SLCO3A1: variants seen among roughly 807,000 people sequenced by gnomAD.
SLCO3A1 encodes the protein solute carrier organic anion transporter family member 3A1.
Under a neutral mutation model 63.1 loss-of-function variants are expected in SLCO3A1, and 27 were observed. The ratio of observed to expected loss-of-function variants is 0.43; its 90% CI spans 0.32 to 0.59. SLCO3A1 has a LOEUF of 0.59. SLCO3A1 is among the 20% of genes least tolerant of loss of function. The pLI is 0.09. For missense variants in SLCO3A1, 773 were observed against 945.8 expected, an observed-to-expected ratio of 0.82 and a Z score of 2.40; for synonymous variants, 473 against 409.9, an observed-to-expected ratio of 1.15 and a Z score of -1.86.
At chr15:91,953,342 G>A (rs376467236) in intron 2 of SLCO3A1, among the ~76,000 whole-genome samples, 32 of 152,294 alleles carry the variant, frequency 2.1e-4, no homozygotes, top group African/African-American at 6.7e-4. Flanking sequence ...TACAGCCTCT[G>A]CCCTCGAGGA....
intron 9 of SLCO3A1, among the ~76,000 whole-genome samples, chr15:92,158,725 C>G (rs1462623163): frequency 2.6e-5 from 4 of 152,206 alleles, no homozygotes. Context: ...TGTGACTCAT[C>G]AGGTGAGTTC....
chr15:91,880,154 C>CTATCT (rs1225031248), intron 1 of SLCO3A1, among the ~76,000 whole-genome samples: 82 of 134,534 alleles, frequency 6.1e-4, no homozygotes, highest in East Asian at 1.5e-3. Flanking sequence ...TCCATCCATC[C>CTATCT]ATCCATCCAT....
chr15:92,052,144 A>G (rs1035229134), intron 2 of SLCO3A1, among the ~76,000 whole-genome samples: 1 of 152,082 alleles, frequency 6.6e-6, no homozygotes, highest in Non-Finnish European at 1.5e-5. Context: ...CTGAGTGTGC[A>G]CAGAACTTGT....
rs1899944963 is a variant in SLCO3A1 at position 91,950,008 on chromosome 15, A to T, written c.646+33550A>T. 6.6e-6 allele frequency among the ~76,000 whole-genome samples: 1 copy of T among 152,184 alleles called. No homozygotes were observed. Among genetic ancestry groups the T allele is most frequent in the Non-Finnish European group, 1.5e-5 (1 of 68,036 alleles). ...AGCAACAGAACCAGACCCTGTCTCT[A>T]AAAAACAACAACGAAAAGAAGGCAG... On this transcript the variant is annotated intron_variant, in intron 2 of 9. Transcript: ENST00000318445. The surrounding 1 kb of genome is among the most constrained non-coding windows in gnomAD (Gnocchi z 4.4).
intron 2 of SLCO3A1, among the ~76,000 whole-genome samples, chr15:91,982,827 C>T (rs928614615): frequency 3.3e-5 from 5 of 152,204 alleles, no homozygotes; most frequent in African/African-American, 1.2e-4. Context: ...ACGGGCTTGC[C>T]CAAGGCCACT....
intron 4 of SLCO3A1, among the ~76,000 whole-genome samples, chr15:92,116,795 C>A (rs1379582847): frequency 6.6e-6 from 1 of 152,052 alleles, no homozygotes; most frequent in Non-Finnish European, 1.5e-5. Context: ...TGCTGCAAGT[C>A]ATTGCAATAA....
chr15:92,052,146 A>G (rs959775513), intron 2 of SLCO3A1, among the ~76,000 whole-genome samples: 40 of 152,132 alleles, frequency 2.6e-4, no homozygotes, highest in African/African-American at 9.7e-4. Context: ...GAGTGTGCAC[A>G]GAACTTGTGT....
Position 91,900,315 on chromosome 15 carries a change from T to TA in SLCO3A1, c.181-15677dup, listed in dbSNP as rs954514366. On this transcript the variant is annotated intron_variant, in intron 1 of 9. Coordinates refer to ENST00000318445, the MANE Select transcript of SLCO3A1 (RefSeq NM_013272.4). This position sits in a 1 kb window ranked among gnomAD's most constrained non-coding sequence, Gnocchi z 4.3. ...TCCTCAGATGGACGTGAATACTTTG[T>TA]ATTGTCTGTTCGTTTGTTTGTTTTT... Among the ~76,000 whole-genome samples the TA allele has an allele frequency of 1.3e-5, 2 of 152,172 alleles. No homozygotes were observed. The highest frequency in any genetic ancestry group is 4.8e-5 in the African/African-American group (2 of 41,436).
rs148448040 is a variant in SLCO3A1, at chr15:91,883,031, G to A, written c.180+28943G>A. Among the ~76,000 whole-genome samples the A allele has an allele frequency of 1.9e-3, 282 of 152,274 alleles. No individual in the cohort carries two copies. The highest frequency in any genetic ancestry group is 6.8e-3 in the Middle Eastern group (2 of 294). On this transcript the variant is annotated intron_variant, in intron 1 of 9. Transcript: ENST00000318445. The surrounding 1 kb of genome is among the most constrained non-coding windows in gnomAD (Gnocchi z 4.8). ...CAGCCACCATGCAAGCCAGGCAGGC[G>A]CCATCCACTGTAAACAGAGAGGAGA...
chr15:91,887,377 A>G (rs970463249), intron 1 of SLCO3A1, among the ~76,000 whole-genome samples: 2 of 151,868 alleles, frequency 1.3e-5, no homozygotes, highest in Non-Finnish European at 2.9e-5. Context: ...CTAAAGCACT[A>G]ATTTCAGGCC....
At position 92,100,093 on chromosome 15, in the gene SLCO3A1, C is replaced by T. The variant is rs575814681; in HGVS notation, c.746-4186C>T. 3.3e-5 allele frequency among the ~76,000 whole-genome samples: 5 copies of T among 151,442 alleles called. No homozygotes were observed. In the South Asian group the frequency reaches 8.4e-4, roughly 25 times the overall value. On this transcript the variant is annotated intron_variant, in intron 3 of 9. Transcript: ENST00000318445. ...AAAAAAAAAACAAAAAACAAAAAAA[C>T]GGAAAATGGATCTAGAAAAGGAGAA... is the stretch of plus-strand genomic sequence containing the variant.
rs71464533 is a variant in SLCO3A1, at chr15:91,880,381, TTCTCTCTC to T, written c.180+26315_180+26322del. ...TCCTCAGTTTTACCGGCACTCGTGC[TTCTCTCTC>T]TCTCTCTCTCTCTCTCTCTCTGTGT... On this transcript the variant is annotated intron_variant, in intron 1 of 9. Coordinates refer to ENST00000318445, the MANE Select transcript of SLCO3A1 (RefSeq NM_013272.4). Among the ~76,000 whole-genome samples the T allele has an allele frequency of 4.6e-3, 557 of 121,754 alleles. 8 individuals carry two copies. Among genetic ancestry groups the T allele is most frequent in the African/African-American group, 0.017 (501 of 30,222 alleles). 79.9% of individuals were successfully genotyped at this position (121,754 alleles called of 152,430 possible).
chr15:91,943,488 A>G (rs1345998793), intron 2 of SLCO3A1, among the ~76,000 whole-genome samples: 2 of 152,338 alleles, frequency 1.3e-5, no homozygotes, highest in East Asian at 1.9e-4. Flanking sequence ...TTCATCTGCT[A>G]TGGACACTAG....
At chr15:92,039,325 C>G (rs539847258) in intron 2 of SLCO3A1, among the ~76,000 whole-genome samples, 1 of 152,094 alleles carries the variant, frequency 6.6e-6, no homozygotes, top group African/African-American at 2.4e-5. Flanking sequence ...TGCAATCTAC[C>G]CGTCTGACAA....
chr15:91,983,613 T>C (rs950490), intron 2 of SLCO3A1, among the ~76,000 whole-genome samples: 36,218 of 152,108 alleles, frequency 0.24, 5,246 homozygotes, highest in African/African-American at 0.39. Flanking sequence ...TACTTACATC[T>C]TCCTTGAGGC....
rs1306486223 is a variant in SLCO3A1 at position 91,853,836 on chromosome 15, C to G, written c.-73C>G. 8.4e-7 allele frequency: 1 copy of G among 1,195,658 alleles called. No individual in the cohort carries two copies. Among genetic ancestry groups the G allele is most frequent in the Non-Finnish European group, 1.0e-6 (1 of 970,210 alleles). The allele number at this position is 1,195,658 out of a possible 1,614,324, so 74.1% of individuals were successfully genotyped here. A position where few individuals can be genotyped will look rare whatever the true frequency, so the allele number is the denominator to read the frequency against. On this transcript the variant is annotated 5_prime_UTR_variant, in exon 1 of 10. Coordinates refer to ENST00000318445, the MANE Select transcript of SLCO3A1 (RefSeq NM_013272.4). Reference sequence around the variant, plus strand: ...CAGCCTCGAGGCGCGCACCCCCGCCCGGCAGCGGCCCCGACACCCGGGGCG... The same window carrying G: ...CAGCCTCGAGGCGCGCACCCCCGCCGGGCAGCGGCCCCGACACCCGGGGCG...
chr15:91,884,843 A>G (rs1897683899), intron 1 of SLCO3A1, among the ~76,000 whole-genome samples: 1 of 151,666 alleles, frequency 6.6e-6, no homozygotes, highest in Admixed American at 6.6e-5. Flanking sequence ...ATTTTCATAT[A>G]TTATCTCATT....
At chr15:92,151,106 T>G in intron 9 of SLCO3A1, 92 bp downstream of exon 9, 1 of 915,132 alleles carries the variant, frequency 1.1e-6, no homozygotes, top group Non-Finnish European at 1.7e-6. Flanking sequence ...TTCCTAGGTC[T>G]GTCTCTTTTT....
intron 5 of SLCO3A1, among the ~76,000 whole-genome samples, chr15:92,123,127 T>A (rs558935552): frequency 1.3e-4 from 20 of 152,196 alleles, no homozygotes; most frequent in Non-Finnish European, 2.1e-4. Context: ...CATATCTCAG[T>A]TTAAAAGAAA....
Sources: allele counts gnomAD v4.1 joint callset (sites outside exome capture counted in the v4.1 genomes callset), GRCh38; gene constraint gnomAD v4.1.1; non-coding constraint Gnocchi (gnomAD v3.1); transcripts MANE v1.5; gene names NCBI Gene and HGNC (gene_info 2026-07-23, HGNC 2026-07-21).